ST8SIA1: variants seen among roughly 807,000 people sequenced by gnomAD.
ST8SIA1 encodes ST8 alpha-N-acetyl-neuraminide alpha-2,8-sialyltransferase 1, also known as alpha-N-acetylneuraminide alpha-2,8-sialyltransferase.
In ST8SIA1, 16 loss-of-function variants were observed where a neutral mutation model predicts 35.9. That is an observed-to-expected ratio of 0.45 (90% CI 0.30 to 0.68). The LOEUF is 0.68. Among genes scored for constraint, ST8SIA1 ranks in the 30% least tolerant of loss-of-function variants. The pLI, the probability that ST8SIA1 is intolerant of heterozygous loss-of-function variation, is 0.09. For missense variants in ST8SIA1, 383 were observed against 453.6 expected (o/e 0.84, Z 1.41); for synonymous variants, 170 against 169.6 (o/e 1.00, Z -0.02).
chr12:22,219,700 T>C (rs960812313), intron 4 of ST8SIA1, among the ~76,000 whole-genome samples: 4 of 152,140 alleles, frequency 2.6e-5, no homozygotes, highest in Non-Finnish European at 5.9e-5. Flanking sequence ...AGAGAGTGTA[T>C]TTGCTAGTTC....
intron 4 of ST8SIA1, among the ~76,000 whole-genome samples, chr12:22,234,531 C>T (rs1865454949): frequency 6.6e-6 from 1 of 152,116 alleles, no homozygotes; most frequent in South Asian, 2.1e-4. Context: ...TGTTGCTTTA[C>T]AAGAAAATAT....
chr12:22,249,500 G>C (rs6487297), intron 3 of ST8SIA1, among the ~76,000 whole-genome samples: 2 of 152,160 alleles, frequency 1.3e-5, no homozygotes, highest in Non-Finnish European at 1.5e-5. Flanking sequence ...GATTACAGGC[G>C]TGAGCCACTG....
chr12:22,268,442 T>G (rs1865872622), intron 2 of ST8SIA1: 2 of 152,182 alleles, frequency 1.3e-5, no homozygotes, highest in Non-Finnish European at 2.9e-5. Flanking sequence ...TATTAGTCTG[T>G]TTTCACACTA....
chr12:22,294,343 T>C (rs1376672855), intron 1 of ST8SIA1, among the ~76,000 whole-genome samples: 1 of 152,110 alleles, frequency 6.6e-6, no homozygotes, highest in Non-Finnish European at 1.5e-5. Flanking sequence ...GTAGGTAACA[T>C]CATTGACCTA....
intron 1 of ST8SIA1, 23 bp downstream of exon 1, chr12:22,333,974 A>T (rs752351419): frequency 6.2e-7 from 1 of 1,606,036 alleles, no homozygotes; most frequent in Non-Finnish European, 8.5e-7. Flanking sequence ...GCTAGAGGGG[A>T]GGAGCCGCGA....
rs534270475 is a variant in ST8SIA1, at chr12:22,264,681, AC to A, written c.382-9293del. ...ACTTAATTATTAAACCCTTTAAAAA[AC>A]GTTACACATAATTTTCCCTTAAGAT... On this transcript the variant is annotated intron_variant, in intron 2 of 4. Transcript: ENST00000396037. Among the ~76,000 whole-genome samples the A allele has an allele frequency of 5.9e-5, 9 of 152,238 alleles. No homozygotes were observed. The East Asian group carries it at 1.5e-3, about 26-fold the overall frequency.
chr12:22,233,878 T>A (rs73081061), intron 4 of ST8SIA1, among the ~76,000 whole-genome samples: 49,277 of 151,970 alleles, frequency 0.32, 8,809 homozygotes, highest in Middle Eastern at 0.59. Context: ...CTCCAAATAT[T>A]CCCTGTTTTA....
At chr12:22,249,220 G>GTT (rs878946392) in intron 3 of ST8SIA1, 122 bp from the exon 4 acceptor site, 2,087 of 436,940 alleles carry the variant, frequency 4.8e-3, no homozygotes, top group East Asian at 9.7e-3. Flanking sequence ...TTTGTTTTTT[G>GTT]TTTTTTTTTT....
intron 4 of ST8SIA1, among the ~76,000 whole-genome samples, chr12:22,245,010 T>C (rs1447604288): frequency 2.6e-5 from 4 of 152,224 alleles, no homozygotes; most frequent in African/African-American, 9.6e-5. Context: ...GGTTTATCCT[T>C]GCACCAGAGC....
In ST8SIA1 at chr12:22,201,625, T is replaced by A; in HGVS notation, c.998A>T (p.Tyr333Phe). 6.2e-7 allele frequency: 1 copy of A among 1,614,118 alleles called. No homozygotes were observed. The highest frequency in any genetic ancestry group is 8.5e-7 in the Non-Finnish European group (1 of 1,179,998). Residue 333 changes from tyrosine to phenylalanine, a missense_variant, in exon 5 of 5, where the codon TAT becomes TTT. Coordinates refer to ENST00000396037, the MANE Select transcript of ST8SIA1 (RefSeq NM_003034.4). ...TCTCAGTGCACCGATTTTATGAAGATACCAGAGTTGGAGAAATTCCTCGGG... is the reference window on the plus strand; with the variant it reads ...TCTCAGTGCACCGATTTTATGAAGAAACCAGAGTTGGAGAAATTCCTCGGG... ...AMPEEFLQLWYLHKIGALRMQ... is the reference protein window; with the variant it reads ...AMPEEFLQLWFLHKIGALRMQ...
At chr12:22,327,541 C>T (rs1243145293) in intron 1 of ST8SIA1, among the ~76,000 whole-genome samples, 2 of 152,084 alleles carry the variant, frequency 1.3e-5, no homozygotes, top group Admixed American at 6.5e-5. Context: ...GCAGGAAATT[C>T]CAGAGTCTAG....
intron 4 of ST8SIA1, among the ~76,000 whole-genome samples, chr12:22,219,412 TGGGATGCAGCAGTGGAA>T (rs1865272102): frequency 6.6e-6 from 1 of 152,146 alleles, no homozygotes; most frequent in Non-Finnish European, 1.5e-5. Context: ...ATCCTTCTCT[TGGGATGCAGCAGTGGAA>T]GGGAGCACCA....
chr12:22,313,054 C>T (rs552115910), intron 1 of ST8SIA1, among the ~76,000 whole-genome samples: 44 of 152,156 alleles, frequency 2.9e-4, no homozygotes, highest in Middle Eastern at 3.4e-3. Context: ...TGGTAGAGTC[C>T]GAGCTCATGG....
chr12:22,332,566 G>A (rs1007906994), intron 1 of ST8SIA1, among the ~76,000 whole-genome samples: 1 of 152,134 alleles, frequency 6.6e-6, no homozygotes, highest in Non-Finnish European at 1.5e-5. Flanking sequence ...TCAATACTGT[G>A]AAGGAAAGAA....
chr12:22,277,195 C>T (rs1487762034), intron 2 of ST8SIA1, among the ~76,000 whole-genome samples: 1 of 152,120 alleles, frequency 6.6e-6, no homozygotes, highest in African/African-American at 2.4e-5. Context: ...TGAGTTTTCT[C>T]TGTGAATGCT....
At chr12:22,249,377 C>A (rs941745025) in intron 3 of ST8SIA1, among the ~76,000 whole-genome samples, 1 of 151,980 alleles carries the variant, frequency 6.6e-6, no homozygotes, top group Admixed American at 6.6e-5. Context: ...TGCCACCACA[C>A]CCGGCTAATT....
Position 22,334,686 on chromosome 12 carries a change from C to CGCT in ST8SIA1, c.-457_-455dup, listed in dbSNP as rs1866825314. 1 of 150,088 alleles carries CGCT rather than the reference C, an allele frequency of 6.7e-6. No individual in the cohort carries two copies. Among genetic ancestry groups the CGCT allele is most frequent in the Non-Finnish European group, 1.4e-5 (1 of 69,160 alleles). 9.3% of individuals were successfully genotyped at this position (150,088 alleles called of 1,614,324 possible). On this transcript the variant is annotated 5_prime_UTR_variant, in exon 1 of 5. Coordinates refer to ENST00000396037, the MANE Select transcript of ST8SIA1 (RefSeq NM_003034.4). ...CTCCTGCGCCCTTCGCCGCCTCCCG[C>CGCT]GCTGCTGCGCCGCCAGGCAACCCCC...
intron 4 of ST8SIA1, among the ~76,000 whole-genome samples, chr12:22,241,326 T>C (rs567454044): frequency 6.6e-6 from 1 of 152,288 alleles, no homozygotes; most frequent in East Asian, 1.9e-4. Flanking sequence ...ATCAATGGCT[T>C]AGTACCATCC....
At chr12:22,292,788 A>G (rs1435937219) in intron 1 of ST8SIA1, among the ~76,000 whole-genome samples, 2 of 152,196 alleles carry the variant, frequency 1.3e-5, no homozygotes, top group African/African-American at 4.8e-5. Flanking sequence ...AAAACGACCT[A>G]TTGGGTACTA....
Sources: allele counts gnomAD v4.1 joint callset (sites outside exome capture counted in the v4.1 genomes callset), GRCh38; gene constraint gnomAD v4.1.1; transcripts MANE v1.5; gene names NCBI Gene and HGNC (gene_info 2026-07-23, HGNC 2026-07-21).